SMIM41: variants seen among roughly 807,000 people sequenced by gnomAD.
The protein encoded by SMIM41 is small integral membrane protein 41.
intron 2 of SMIM41, chr12:52,091,872 G>A (rs1346288024): frequency 2.6e-5 from 4 of 152,182 alleles, no homozygotes; most frequent in African/African-American, 9.7e-5. Flanking sequence ...GTTTAAGGAG[G>A]GCAGTTGGTA....
Position 52,081,518 on chromosome 12 carries a change from TC to T in SMIM41, c.*120+1343del, listed in dbSNP as rs1433939263. On this transcript the variant is annotated intron_variant, in intron 1 of 2. Coordinates refer to ENST00000546390, the MANE Select transcript of SMIM41 (RefSeq NM_001369216.1). This position sits in a 1 kb window ranked among gnomAD's most constrained non-coding sequence, Gnocchi z 4.1. The stretch of plus-strand genomic sequence containing the variant: ...CTTCTCACCTCAGGGCCCCCTCAGC[TC>T]CCCCCACTCCACCCCCTAGGAGGGA... Among the ~76,000 whole-genome samples the T allele has an allele frequency of 6.6e-6, 1 of 151,642 alleles. No homozygotes were observed. The highest frequency in any genetic ancestry group is 2.4e-5 in the African/African-American group (1 of 41,240).
chr12:52,096,262 G>A (rs1486115231), intron 2 of SMIM41, among the ~76,000 whole-genome samples: 1 of 151,850 alleles, frequency 6.6e-6, no homozygotes, highest in Non-Finnish European at 1.5e-5. Context: ...CTCTTCTTCC[G>A]TGAATATTAG....
intron 2 of SMIM41, among the ~76,000 whole-genome samples, chr12:52,097,551 A>G (rs534551658): frequency 6.6e-6 from 1 of 152,162 alleles, no homozygotes; most frequent in African/African-American, 2.4e-5. Flanking sequence ...TGTATTTACA[A>G]TATTTCCAGT....
intron 2 of SMIM41, among the ~76,000 whole-genome samples, chr12:52,095,326 G>A (rs186554455): frequency 8.3e-4 from 125 of 150,534 alleles, no homozygotes; most frequent in African/African-American, 2.9e-3. Flanking sequence ...GGGGGCGGGC[G>A]CCCCCCGCGA....
chr12:52,091,823 T>C (rs540992947), intron 2 of SMIM41, among the ~76,000 whole-genome samples: 1 of 152,340 alleles, frequency 6.6e-6, no homozygotes, highest in East Asian at 1.9e-4. Flanking sequence ...GATATGCTGC[T>C]GGCGTGAACA....
At chr12:52,093,992 G>T (rs1258473542) in intron 2 of SMIM41, among the ~76,000 whole-genome samples, 1 of 151,800 alleles carries the variant, frequency 6.6e-6, no homozygotes, top group African/African-American at 2.4e-5. Context: ...TTAGCCGGGT[G>T]TGGTAGTGGG....
At chr12:52,095,262 G>C (rs554665038) in intron 2 of SMIM41, among the ~76,000 whole-genome samples, 1 of 151,812 alleles carries the variant, frequency 6.6e-6, no homozygotes, top group Non-Finnish European at 1.5e-5. Context: ...CCCGCGATGC[G>C]GGGAGTAACA....
chr12:52,090,642 C>T (rs1401303702), intron 2 of SMIM41, among the ~76,000 whole-genome samples: 6 of 152,176 alleles, frequency 3.9e-5, no homozygotes, highest in Non-Finnish European at 5.9e-5. Context: ...ACTTGTCTTG[C>T]ACATTTTCTC....
At position 52,094,122 on chromosome 12, in the gene SMIM41, C is replaced by A. The variant is rs573028044; in HGVS notation, c.*195+10154C>A. Reference sequence around the variant, plus strand: ...CTCCAGCCTGGGTGACAGAGCAAGACTCCATCTCCGGAAAAAAAAAAAAGA... The same window carrying A: ...CTCCAGCCTGGGTGACAGAGCAAGAATCCATCTCCGGAAAAAAAAAAAAGA... On this transcript the variant is annotated intron_variant, in intron 2 of 2. Coordinates refer to ENST00000546390, the MANE Select transcript of SMIM41 (RefSeq NM_001369216.1). Among the ~76,000 whole-genome samples the A allele has an allele frequency of 3.3e-5, 4 of 122,498 alleles. No individual in the cohort carries two copies. In the East Asian group the frequency reaches 6.9e-4, roughly 21 times the overall value. The allele number at this position is 122,498 out of a possible 152,430, so 80.4% of individuals were successfully genotyped here. A position where few individuals can be genotyped will look rare whatever the true frequency, so the allele number is the denominator to read the frequency against.
chr12:52,101,570 G>C (rs987537615), intron 2 of SMIM41, among the ~76,000 whole-genome samples: 22 of 152,206 alleles, frequency 1.4e-4, no homozygotes, highest in Non-Finnish European at 2.5e-4. Context: ...GTGAGTTCTA[G>C]TGTTTGATAG....
intron 2 of SMIM41, among the ~76,000 whole-genome samples, chr12:52,099,145 G>T (rs1268685795): frequency 6.6e-6 from 1 of 152,002 alleles, no homozygotes; most frequent in African/African-American, 2.4e-5. Flanking sequence ...GATATTGGGA[G>T]TAATATCATC....
chr12:52,098,134 C>T (rs1463435728), intron 2 of SMIM41, among the ~76,000 whole-genome samples: 1 of 152,062 alleles, frequency 6.6e-6, no homozygotes, highest in Admixed American at 6.5e-5. Flanking sequence ...AACAATGTCA[C>T]GGGGGATGTA....
At chr12:52,089,685 C>T (rs551385940) in intron 2 of SMIM41, among the ~76,000 whole-genome samples, 39 of 152,286 alleles carry the variant, frequency 2.6e-4, no homozygotes, top group African/African-American at 8.7e-4. Context: ...CGGTGGTGAC[C>T]GGTGGTGGTG....
chr12:52,087,830 C>G (rs545052502), intron 2 of SMIM41: 3 of 152,288 alleles, frequency 2.0e-5, no homozygotes, highest in Admixed American at 6.5e-5. Flanking sequence ...CCCTCAGCTC[C>G]TAGGCCTGCC....
chr12:52,107,552 C>T lies in SMIM41; in HGVS notation c.*369C>T, dbSNP rs186278495. On this transcript the variant is annotated 3_prime_UTR_variant, in exon 3 of 3. Transcript: ENST00000546390. ...TGTCCTTGCCTGACATCGGTTTCAC[C>T]TCCACCACGGTCCCCCAGATGACTG... 2.7e-4 allele frequency: 254 copies of T among 947,902 alleles called. 2 individuals are homozygous for T. The East Asian group carries it at 8.1e-3, about 30-fold the overall frequency. The allele number at this position is 947,902 out of a possible 1,614,324, so 58.7% of individuals were successfully genotyped here.
intron 1 of SMIM41, among the ~76,000 whole-genome samples, chr12:52,082,994 C>G (rs1370805829): frequency 4.6e-5 from 7 of 152,154 alleles, no homozygotes; most frequent in African/African-American, 1.7e-4. Context: ...GAGACCTCAA[C>G]CTGGGATCCT....
chr12:52,096,152 T>A (rs183739284), intron 2 of SMIM41, among the ~76,000 whole-genome samples: 1 of 152,122 alleles, frequency 6.6e-6, no homozygotes, highest in East Asian at 1.9e-4. Context: ...GCACACAGCC[T>A]GCAATATTGG....
At chr12:52,098,381 C>T (rs1320105238) in intron 2 of SMIM41, among the ~76,000 whole-genome samples, 2 of 151,916 alleles carry the variant, frequency 1.3e-5, no homozygotes, top group African/African-American at 2.4e-5. Flanking sequence ...ACACCACCTG[C>T]AATATTGGAA....
chr12:52,104,053 T>C (rs1296669889), intron 2 of SMIM41: 1 of 151,826 alleles, frequency 6.6e-6, no homozygotes, highest in Non-Finnish European at 1.5e-5. Context: ...ATAATATATA[T>C]TTATAATTTT....
Sources: gnomAD v4.1 joint callset for allele counts (sites outside exome capture counted in the v4.1 genomes callset) on GRCh38, gnomAD v4.1.1 for gene constraint, Gnocchi (gnomAD v3.1) non-coding constraint, MANE v1.5 for transcripts, NCBI Gene and HGNC (gene_info 2026-07-23, HGNC 2026-07-21) for gene names.